The following SLIT2 variants were observed in gnomAD, a reference collection of about 807,000 sequenced individuals.
SLIT2 encodes the protein slit guidance ligand 2.
Under a neutral mutation model 185.7 loss-of-function variants are expected in SLIT2, and 41 were observed. That is an observed-to-expected ratio of 0.22 (90% confidence interval 0.17 to 0.29). The LOEUF is 0.29. Ranked by LOEUF, SLIT2 falls within the 10% of genes least tolerant of loss-of-function variation. The pLI is 1.00. For synonymous variants in SLIT2, 693 were observed against 680.2 expected, an observed-to-expected ratio of 1.02 and a Z score of -0.29; for missense variants, 1,571 against 1,909.0, an observed-to-expected ratio of 0.82 and a Z score of 3.30.
chr4:20,440,230 A>C (rs1330156782), intron 4 of SLIT2, among the ~76,000 whole-genome samples: 1 of 152,224 alleles, frequency 6.6e-6, no homozygotes, highest in African/African-American at 2.4e-5. Context: ...TTGGTACTAC[A>C]CTGTAGGGTT....
At chr4:20,468,255 T>A (rs535315421) in intron 5 of SLIT2, among the ~76,000 whole-genome samples, 1 of 152,258 alleles carries the variant, frequency 6.6e-6, no homozygotes, top group East Asian at 1.9e-4. Flanking sequence ...TATGAGAATA[T>A]GGACTATTAT....
chr4:20,458,699 T>A (rs1053330513), intron 4 of SLIT2, among the ~76,000 whole-genome samples: 2 of 152,196 alleles, frequency 1.3e-5, no homozygotes, highest in African/African-American at 2.4e-5. Flanking sequence ...AGGATAGCAG[T>A]GCTTCAGAAT....
intron 5 of SLIT2, among the ~76,000 whole-genome samples, chr4:20,479,088 G>A (rs1355037428): frequency 6.6e-6 from 1 of 152,144 alleles, no homozygotes; most frequent in African/African-American, 2.4e-5. Flanking sequence ...GCTTATACAG[G>A]CAATAAAATT....
chr4:20,306,196 A>C (rs535903668), intron 4 of SLIT2, among the ~76,000 whole-genome samples: 40 of 152,234 alleles, frequency 2.6e-4, no homozygotes, highest in African/African-American at 8.9e-4. Flanking sequence ...TGAGTATGGA[A>C]CACGGGGAGA....
chr4:20,427,667 A>G (rs1418298461), intron 4 of SLIT2, among the ~76,000 whole-genome samples: 2 of 145,028 alleles, frequency 1.4e-5, no homozygotes, highest in Non-Finnish European at 3.0e-5. Context: ...ATGAATTTGC[A>G]TTCTTTTTTT....
intron 11 of SLIT2, among the ~76,000 whole-genome samples, chr4:20,516,407 C>T (rs762448100): frequency 5.9e-5 from 9 of 152,092 alleles, no homozygotes; most frequent in Non-Finnish European, 1.2e-4. Context: ...GTATAAGAAA[C>T]TGTAGAAAAG....
rs1156714844 is a variant in SLIT2 at position 20,467,777 on chromosome 4, G to T, written c.421G>T (p.Ala141Ser). ...RLDLSENQIQ[A>S]IPRKAFRGAV... ...TGATCTCAGTGAAAACCAAATTCAGGCAATCCCAAGGAAAGCTTTCCGTGG... is the reference window on the plus strand; with the variant it reads ...TGATCTCAGTGAAAACCAAATTCAGTCAATCCCAAGGAAAGCTTTCCGTGG... Residue 141 changes from alanine (A) to serine (S), a missense_variant, in exon 5 of 37, where the codon GCA becomes TCA. Transcript: ENST00000504154. The T allele has an allele frequency of 6.3e-7, 1 of 1,596,740 alleles. No individual in the cohort carries two copies. Among genetic ancestry groups the T allele is most frequent in the Non-Finnish European group, 8.5e-7 (1 of 1,170,466 alleles).
intron 29 of SLIT2, among the ~76,000 whole-genome samples, chr4:20,576,796 A>C (rs1171240594): frequency 6.6e-6 from 1 of 152,206 alleles, no homozygotes; most frequent in Non-Finnish European, 1.5e-5. Flanking sequence ...AGCCCAGAAC[A>C]ACAATTTAGC....
intron 30 of SLIT2, among the ~76,000 whole-genome samples, chr4:20,594,911 C>A (rs550888053): frequency 6.6e-6 from 1 of 152,272 alleles, no homozygotes; most frequent in African/African-American, 2.4e-5. Flanking sequence ...ACGAATATCA[C>A]AGGACTGTGG....
chr4:20,306,986 C>T (rs956467280), intron 4 of SLIT2, among the ~76,000 whole-genome samples: 1 of 151,986 alleles, frequency 6.6e-6, no homozygotes, highest in Non-Finnish European at 1.5e-5. Context: ...AAATTCATTT[C>T]TCTGATATAC....
intron 4 of SLIT2, among the ~76,000 whole-genome samples, chr4:20,422,758 G>A (rs1398505187): frequency 5.3e-5 from 8 of 152,062 alleles, no homozygotes; most frequent in Non-Finnish European, 1.0e-4. Context: ...AGGCAGCAAC[G>A]AGGCAGGATT....
chr4:20,445,524 T>C (rs1164819744), intron 4 of SLIT2, among the ~76,000 whole-genome samples: 1 of 152,198 alleles, frequency 6.6e-6, no homozygotes, highest in African/African-American at 2.4e-5. Context: ...GAGTATTGTT[T>C]TTATGCTGTA....
chr4:20,497,647 G>A (rs1000001588), intron 9 of SLIT2, among the ~76,000 whole-genome samples: 2 of 151,990 alleles, frequency 1.3e-5, no homozygotes, highest in Admixed American at 6.6e-5. Flanking sequence ...TTATTTCCCC[G>A]AATCTTCTCC....
intron 4 of SLIT2, among the ~76,000 whole-genome samples, chr4:20,359,276 A>G (rs1483032355): frequency 1.3e-5 from 2 of 152,118 alleles, no homozygotes; most frequent in Admixed American, 6.6e-5. Context: ...TAAGTTGGTG[A>G]AAAAACACAG....
chr4:20,544,824 CTG>C (rs1472058647), intron 21 of SLIT2, among the ~76,000 whole-genome samples: 1 of 151,972 alleles, frequency 6.6e-6, no homozygotes, highest in Non-Finnish European at 1.5e-5. Flanking sequence ...TGACCTTCTG[CTG>C]TGTTTTCTGG....
chr4:20,598,850 T>TG (rs1728189964), intron 33 of SLIT2, among the ~76,000 whole-genome samples: 1 of 152,028 alleles, frequency 6.6e-6, no homozygotes, highest in African/African-American at 2.4e-5. Context: ...CCCAACAATC[T>TG]CCTGTCTGTG....
At chr4:20,594,213 A>C (rs1213778008) in intron 30 of SLIT2, among the ~76,000 whole-genome samples, 1 of 150,162 alleles carries the variant, frequency 6.7e-6, no homozygotes, top group African/African-American at 2.4e-5. Flanking sequence ...GTATGTGTGT[A>C]TATATGTATA....
At chr4:20,360,309 T>C (rs1722640314) in intron 4 of SLIT2, among the ~76,000 whole-genome samples, 8 of 152,164 alleles carry the variant, frequency 5.3e-5, no homozygotes, top group Admixed American at 5.2e-4. Flanking sequence ...TTTAGAAGTC[T>C]CTGAAAGTGA....
Position 20,461,710 on chromosome 4 carries a change from T to C in SLIT2, c.396-6042T>C, listed in dbSNP as rs140450600. Reference sequence around the variant, plus strand: ...TGGTTTGGACGCAGATTGTAGAAGATTGTGATATGTCAGTGAGAACTCCAG... The same window carrying C: ...TGGTTTGGACGCAGATTGTAGAAGACTGTGATATGTCAGTGAGAACTCCAG... On this transcript the variant is annotated intron_variant, in intron 4 of 36. Transcript: ENST00000504154. 5.9e-3 allele frequency among the ~76,000 whole-genome samples: 901 copies of C among 152,230 alleles called. 4 individuals are homozygous for C. Among genetic ancestry groups the C allele is most frequent in the Non-Finnish European group, 9.4e-3 (636 of 68,016 alleles).
Sources: allele counts gnomAD v4.1 joint callset (sites outside exome capture counted in the v4.1 genomes callset), GRCh38; gene constraint gnomAD v4.1.1; transcripts MANE v1.5; gene names NCBI Gene and HGNC (gene_info 2026-07-23, HGNC 2026-07-21).